ACSS3: variants seen among roughly 807,000 people sequenced by gnomAD.
The protein encoded by ACSS3 is acyl-CoA synthetase short chain family member 3, also known as acyl-CoA synthetase short-chain family member 3, mitochondrial.
Under a neutral mutation model 84.2 loss-of-function variants are expected in ACSS3, and 64 were observed. The observed-to-expected ratio is 0.76, with a 90% confidence interval of 0.62 to 0.94. The LOEUF (loss-of-function observed/expected upper bound fraction) is 0.94. Among genes scored for constraint, ACSS3 ranks in the 40% least tolerant of loss-of-function variants. The pLI, the probability that ACSS3 is intolerant of heterozygous loss-of-function variation, is 0.00. For missense variants in ACSS3, 815 were observed against 867.6 expected (o/e 0.94, Z 0.76); for synonymous variants, 317 against 310.1 (o/e 1.02, Z -0.23).
intron 15 of ACSS3, 30 bp from the exon 16 acceptor site, chr12:81,254,827 G>T: frequency 6.5e-7 from 1 of 1,546,592 alleles, no homozygotes; most frequent in Non-Finnish European, 8.9e-7. Context: ...TCAAGGAAGA[G>T]TATTCACCTG....
chr12:81,111,674 C>G lies in ACSS3; in HGVS notation c.456+1970C>G, dbSNP rs147770807. Among the ~76,000 whole-genome samples the G allele has an allele frequency of 1.9e-3, 286 of 152,260 alleles. 3 individuals are homozygous for G. Among genetic ancestry groups the G allele is most frequent in the Middle Eastern group, 0.017 (5 of 294 alleles). On this transcript the variant is annotated intron_variant, in intron 2 of 15. Coordinates refer to ENST00000548058, the MANE Select transcript of ACSS3 (RefSeq NM_024560.4). ...ACTCTGAACACATATTTGGGTGTGC[C>G]TGTCATACAGGGTCTTTCTCAGGGT...
Position 81,260,749 on chromosome 12 carries a change from C to T in ACSS3, c.*5827C>T, listed in dbSNP as rs1184429082. ...TTTTAGTTCAAGGCAATGAAAACAG[C>T]ACAAGGTGAGTTGTTCCTCTGTCTA... On this transcript the variant is annotated 3_prime_UTR_variant, in exon 16 of 16. Transcript: ENST00000548058. The T allele has an allele frequency of 1.3e-5, 2 of 152,162 alleles. No homozygotes were observed. Among genetic ancestry groups the T allele is most frequent in the African/African-American group, 4.8e-5 (2 of 41,446 alleles). The allele number at this position is 152,162 out of a possible 1,614,324, so 9.4% of individuals were successfully genotyped here. A position where few individuals can be genotyped will look rare whatever the true frequency, so the allele number is the denominator to read the frequency against.
intron 13 of ACSS3, among the ~76,000 whole-genome samples, chr12:81,243,184 C>G (rs1041912915): frequency 3.3e-5 from 5 of 152,078 alleles, no homozygotes; most frequent in African/African-American, 1.2e-4. Context: ...AATCAATGTA[C>G]AAAAATCACA....
At chr12:81,114,733 A>G (rs1883895708) in intron 2 of ACSS3, among the ~76,000 whole-genome samples, 1 of 152,178 alleles carries the variant, frequency 6.6e-6, no homozygotes, top group South Asian at 2.1e-4. Context: ...ATAGTCGTTC[A>G]TGCATTTCTT....
At chr12:81,121,273 A>C (rs1884573483) in intron 2 of ACSS3, among the ~76,000 whole-genome samples, 1 of 152,180 alleles carries the variant, frequency 6.6e-6, no homozygotes, top group South Asian at 2.1e-4. Flanking sequence ...TGCCGGTGGA[A>C]GTGCTGGGGG....
intron 7 of ACSS3, among the ~76,000 whole-genome samples, chr12:81,165,260 T>G (rs2135793781): frequency 6.6e-6 from 1 of 152,320 alleles, no homozygotes; most frequent in African/African-American, 2.4e-5. Context: ...CAGCTCCAAA[T>G]CATGCTAGAA....
chr12:81,173,708 A>C (rs1237351205), intron 7 of ACSS3, among the ~76,000 whole-genome samples: 1 of 152,126 alleles, frequency 6.6e-6, no homozygotes, highest in East Asian at 1.9e-4. Flanking sequence ...TGCTACTAGC[A>C]AATCCTTTGC....
chr12:81,210,448 C>G (rs1470228394), intron 9 of ACSS3, among the ~76,000 whole-genome samples: 1 of 152,090 alleles, frequency 6.6e-6, no homozygotes, highest in Non-Finnish European at 1.5e-5. Context: ...ATCCTGCATT[C>G]CTACACATAG....
rs975549049 is a variant in ACSS3, at chr12:81,259,060, C to T, written c.*4138C>T. 6 of 162,588 alleles carry T rather than the reference C, an allele frequency of 3.7e-5. No individual in the cohort carries two copies. The highest frequency in any genetic ancestry group is 1.5e-4 in the African/African-American group (6 of 41,362). 10.1% of individuals were successfully genotyped at this position (162,588 alleles called of 1,614,324 possible). A position where few individuals can be genotyped will look rare whatever the true frequency, so the allele number is the denominator to read the frequency against. ...TAAAGCTCTATTTTTGGCTCCGGTTCCAGGTTAAATCATTCTTTTTTACAT... is the reference window on the plus strand; with the variant it reads ...TAAAGCTCTATTTTTGGCTCCGGTTTCAGGTTAAATCATTCTTTTTTACAT... On this transcript the variant is annotated 3_prime_UTR_variant, in exon 16 of 16. Transcript: ENST00000548058.
chr12:81,171,289 A>G (rs1460591775), intron 7 of ACSS3, among the ~76,000 whole-genome samples: 1 of 152,108 alleles, frequency 6.6e-6, no homozygotes, highest in Non-Finnish European at 1.5e-5. Flanking sequence ...TATTACCTGA[A>G]GTGTTTACAT....
rs1403415163 is a variant in ACSS3, at chr12:81,107,511, C to CACACATAT, written c.312-2048_312-2047insCACATATA. Among the ~76,000 whole-genome samples the CACACATAT allele has an allele frequency of 2.2e-3, 86 of 38,826 alleles. 6 individuals carry two copies. The highest frequency in any genetic ancestry group is 0.01 in the South Asian group (8 of 780). 25.5% of individuals were successfully genotyped at this position (38,826 alleles called of 152,430 possible). ...TTTTTTTTTCAGGTACAAATATATA[C>CACACATAT]ATATATATATATATATATATATATA... On this transcript the variant is annotated intron_variant, in intron 1 of 15. Coordinates refer to ENST00000548058, the MANE Select transcript of ACSS3 (RefSeq NM_024560.4).
At chr12:81,132,664 C>CATTTCTTT (rs1048859602) in intron 2 of ACSS3, among the ~76,000 whole-genome samples, 94 of 152,220 alleles carry the variant, frequency 6.2e-4, no homozygotes, top group African/African-American at 2.2e-3. Context: ...TTTTTAATCT[C>CATTTCTTT]ATTTCTTTCA....
intron 13 of ACSS3, among the ~76,000 whole-genome samples, chr12:81,243,353 T>G (rs1326945752): frequency 6.6e-6 from 1 of 152,096 alleles, no homozygotes; most frequent in Non-Finnish European, 1.5e-5. Flanking sequence ...CTCAATGAAA[T>G]AAAAGAGGAT....
At chr12:81,216,841 CAA>C (rs2032934255) in intron 9 of ACSS3, 58 bp from the exon 10 acceptor site, 4 of 1,456,932 alleles carry the variant, frequency 2.7e-6, no homozygotes, top group Non-Finnish European at 3.8e-6. Context: ...TGCATGTACT[CAA>C]GAAACATTAT....
At chr12:81,233,040 T>C (rs1050427641) in intron 12 of ACSS3, among the ~76,000 whole-genome samples, 6 of 151,668 alleles carry the variant, frequency 4.0e-5, no homozygotes, top group South Asian at 4.1e-4. Flanking sequence ...TCAAAGTATA[T>C]TAGAATTAGT....
intron 7 of ACSS3, among the ~76,000 whole-genome samples, chr12:81,166,417 A>G (rs913753520): frequency 3.9e-5 from 6 of 152,182 alleles, no homozygotes; most frequent in East Asian, 3.9e-4. Flanking sequence ...AGATGTTTGT[A>G]TGACATTGTG....
rs1319279625 is a variant in ACSS3, at chr12:81,139,132, C to G, written c.647C>G (p.Pro216Arg). ...ELSSRIDHVK[P>R]KVVVTASFGI... ...TCCATTATTATTTTTTAATTGTAGCCCAAGGTGGTTGTTACAGCATCATTT... is the reference window on the plus strand; with the variant it reads ...TCCATTATTATTTTTTAATTGTAGCGCAAGGTGGTTGTTACAGCATCATTT... Residue 216 changes from proline to arginine, a missense_variant and splice_region_variant, in exon 4 of 16, where the codon CCC (proline) becomes CGC (arginine). By Grantham distance (103) the Pro-to-Arg change is moderately radical. Coordinates refer to ENST00000548058, the MANE Select transcript of ACSS3 (RefSeq NM_024560.4). 2.5e-6 allele frequency: 4 copies of G among 1,611,902 alleles called. No homozygotes were observed. Among genetic ancestry groups the G allele is most frequent in the Non-Finnish European group, 3.4e-6 (4 of 1,178,742 alleles).
chr12:81,148,119 C>T (rs1303584189), intron 5 of ACSS3, among the ~76,000 whole-genome samples: 1 of 151,582 alleles, frequency 6.6e-6, no homozygotes, highest in Non-Finnish European at 1.5e-5. Flanking sequence ...TTTCTACTCT[C>T]AGTATTTTGG....
At chr12:81,161,846 C>G (rs2135784660) in intron 7 of ACSS3, among the ~76,000 whole-genome samples, 1 of 152,182 alleles carries the variant, frequency 6.6e-6, no homozygotes, top group Non-Finnish European at 1.5e-5. Flanking sequence ...CACAGTCAGG[C>G]ACACTGGTTG....
Sources: allele counts gnomAD v4.1 joint callset (sites outside exome capture counted in the v4.1 genomes callset), GRCh38; gene constraint gnomAD v4.1.1; transcripts MANE v1.5; gene names NCBI Gene and HGNC (gene_info 2026-07-23, HGNC 2026-07-21).